The following COG3 variants were observed in gnomAD, a reference collection of about 807,000 sequenced individuals.
The protein encoded by COG3 is conserved oligomeric Golgi complex subunit 3.
A neutral mutation model predicts 114.1 loss-of-function variants in COG3; 32 were observed. The observed-to-expected ratio is 0.28, with a 90% confidence interval of 0.21 to 0.38. The LOEUF is 0.38. Among genes scored for constraint, COG3 ranks in the 10% least tolerant of loss-of-function variants. The pLI is 1.00. For synonymous variants in COG3, 352 were observed against 365.7 expected (o/e 0.96, Z 0.43); for missense variants, 813 against 973.2 (o/e 0.84, Z 2.19).
rs1395046848 is a variant in COG3, at chr13:45,516,135, T to C, written c.1810-8T>C. Reference sequence around the variant, plus strand: ...TGATCATATCCATTTTTCTGTCTTATAATTTAGACTCAGATTGATGGACAA... The same window carrying C: ...TGATCATATCCATTTTTCTGTCTTACAATTTAGACTCAGATTGATGGACAA... On this transcript the variant is annotated splice_region_variant and splice_polypyrimidine_tract_variant and intron_variant, in intron 16 of 22. Coordinates refer to ENST00000349995, the MANE Select transcript of COG3 (RefSeq NM_031431.4). The C allele has an allele frequency of 2.6e-6, 4 of 1,551,604 alleles. No individual in the cohort carries two copies. The highest frequency in any genetic ancestry group is 2.4e-5 in the South Asian group (2 of 82,146).
intron 21 of COG3, 89 bp from the exon 22 acceptor site, chr13:45,530,593 C>T: frequency 2.4e-6 from 2 of 826,690 alleles, no homozygotes; most frequent in Non-Finnish European, 4.2e-6. Context: ...CTTCCACTCG[C>T]TTTGGCAAAT....
At chr13:45,518,629 G>GC in intron 17 of COG3, 133 bp from the exon 18 acceptor site, 1 of 640,506 alleles carries the variant, frequency 1.6e-6, no homozygotes, top group Non-Finnish European at 2.8e-6. Context: ...CTCACTCTCA[G>GC]CCTTTCATGG....
intron 21 of COG3, 94 bp from the exon 22 acceptor site, chr13:45,530,588 A>G (rs1305356368): frequency 1.4e-5 from 11 of 787,380 alleles, no homozygotes; most frequent in Non-Finnish European, 2.5e-5. Context: ...CATCGCTTCC[A>G]CTCGCTTTGG....
At chr13:45,476,749 G>T (rs370551631) in intron 2 of COG3, among the ~76,000 whole-genome samples, 1 of 151,996 alleles carries the variant, frequency 6.6e-6, no homozygotes, top group Non-Finnish European at 1.5e-5. Flanking sequence ...AACATTTGTA[G>T]TTATTTTTCA....
In COG3 at chr13:45,530,726, G is replaced by A; in HGVS notation, c.2403G>A (p.Lys801=). The change falls in exon 22 of 23, where the codon AAG becomes AAA. Residue 801 remains lysine (K), a synonymous_variant. Transcript: ENST00000349995. The stretch of plus-strand genomic sequence containing the variant: ...TCCAGAAGTTCCACGCTCTGTTAAA[G>A]GAAGAGTTCAGCCCTGAAGACATCC... The part of the protein sequence containing the change: ...QVFQKFHALL[K]EEFSPEDIQI... 3.1e-6 allele frequency: 5 copies of A among 1,613,232 alleles called. No homozygotes were observed. Among genetic ancestry groups the A allele is most frequent in the Non-Finnish European group, 3.4e-6 (4 of 1,179,264 alleles).
At chr13:45,495,647 T>C (rs1380958635) in intron 12 of COG3, among the ~76,000 whole-genome samples, 1 of 152,172 alleles carries the variant, frequency 6.6e-6, no homozygotes, top group African/African-American at 2.4e-5. Context: ...CCCAAAATGC[T>C]GGGATTATAG....
At chr13:45,504,620 G>A (rs991853609) in intron 14 of COG3, among the ~76,000 whole-genome samples, 1 of 152,160 alleles carries the variant, frequency 6.6e-6, no homozygotes, top group Admixed American at 6.5e-5. Flanking sequence ...TTGGGGGGAT[G>A]GAGAGAAATA....
intron 8 of COG3, 96 bp from the exon 9 acceptor site, chr13:45,490,819 T>C: frequency 1.7e-6 from 1 of 584,408 alleles, no homozygotes; most frequent in Non-Finnish European, 2.8e-6. Context: ...ATATTTACAG[T>C]TTTTCTGAAT....
intron 16 of COG3, among the ~76,000 whole-genome samples, chr13:45,513,350 T>C (rs865867368): frequency 3.0e-5 from 4 of 134,222 alleles, no homozygotes; most frequent in African/African-American, 5.9e-5. Flanking sequence ...ATAAATTATA[T>C]ATAATATATA....
In COG3 at chr13:45,516,905, A is replaced by C. The variant is rs1209309551; in HGVS notation, c.1930+642A>C. On this transcript the variant is annotated intron_variant, in intron 17 of 22. Transcript: ENST00000349995. ...TGCTTAAATAAACTTCAGTGGTATT[A>C]AATCAGTAATCATGTAAGATAGGGT... is the stretch of plus-strand genomic sequence containing the variant. Among the ~76,000 whole-genome samples, 17 of 152,208 alleles carry C rather than the reference A, an allele frequency of 1.1e-4. 1 individual carries two copies.
intron 19 of COG3, among the ~76,000 whole-genome samples, chr13:45,521,602 C>CACACAT (rs575068921): frequency 2.6e-5 from 4 of 151,980 alleles, no homozygotes; most frequent in African/African-American, 9.7e-5. Context: ...CACACACACA[C>CACACAT]GCAACCATTT....
At chr13:45,469,149 G>A (rs1259714081) in intron 1 of COG3, among the ~76,000 whole-genome samples, 1 of 152,166 alleles carries the variant, frequency 6.6e-6, no homozygotes, top group Non-Finnish European at 1.5e-5. Context: ...AGTTTTTAAA[G>A]TTCTTATGAT....
intron 12 of COG3, among the ~76,000 whole-genome samples, chr13:45,494,614 C>T (rs531497477): frequency 1.3e-5 from 2 of 151,778 alleles, no homozygotes; most frequent in African/African-American, 4.8e-5. Flanking sequence ...CAACCTCTGC[C>T]TCCCGGGGTC....
At chr13:45,476,777 A>AT (rs1169193009) in intron 2 of COG3, among the ~76,000 whole-genome samples, 3 of 152,016 alleles carry the variant, frequency 2.0e-5, no homozygotes, top group African/African-American at 7.3e-5. Flanking sequence ...AGCATGTGTA[A>AT]TTTTTTCTTG....
chr13:45,532,319 A>G (rs1390956474), intron 22 of COG3, among the ~76,000 whole-genome samples: 1 of 152,128 alleles, frequency 6.6e-6, no homozygotes, highest in Non-Finnish European at 1.5e-5. Context: ...ATTACTTTCT[A>G]TATGATTGTA....
chr13:45,502,738 A>C (rs1386185221), intron 13 of COG3, among the ~76,000 whole-genome samples: 1 of 152,062 alleles, frequency 6.6e-6, no homozygotes, highest in Non-Finnish European at 1.5e-5. Context: ...CAAACAGTGT[A>C]CACTGTACCC....
intron 16 of COG3, among the ~76,000 whole-genome samples, chr13:45,512,549 T>C (rs1364535709): frequency 6.6e-6 from 1 of 152,034 alleles, no homozygotes; most frequent in Non-Finnish European, 1.5e-5. Flanking sequence ...CTCAGGCTGG[T>C]CTCAAACTCC....
rs764989185 is a variant in COG3 at position 45,518,869 on chromosome 13, C to T, written c.2019+19C>T. 2 of 1,610,936 alleles carry T rather than the reference C, an allele frequency of 1.2e-6. No homozygotes were observed. Among genetic ancestry groups the T allele is most frequent in the South Asian group, 2.2e-5 (2 of 90,928 alleles). On this transcript the variant is annotated intron_variant, in intron 18 of 22. Coordinates refer to ENST00000349995, the MANE Select transcript of COG3 (RefSeq NM_031431.4). The stretch of plus-strand genomic sequence containing the variant: ...GTTGGAGGTGAGAAGGAGTCTGTTT[C>T]ATTGGTGGTGGGAGATAAACGACAT...
intron 2 of COG3, among the ~76,000 whole-genome samples, chr13:45,478,778 C>T (rs752617947): frequency 1.6e-4 from 24 of 152,208 alleles, no homozygotes; most frequent in South Asian, 8.3e-4. Context: ...TGTGAGCCAC[C>T]ACACCCGGTG....
Sources: gnomAD v4.1 joint callset for allele counts (sites outside exome capture counted in the v4.1 genomes callset) on GRCh38, gnomAD v4.1.1 for gene constraint, MANE v1.5 for transcripts, NCBI Gene and HGNC (gene_info 2026-07-23, HGNC 2026-07-21) for gene names.